The following QTGAL variants were observed in gnomAD, a reference collection of about 807,000 sequenced individuals.
The protein encoded by QTGAL is BGnT-like protein 1.
chr17:82,962,403 G>T, the QTGAL span, among the ~76,000 whole-genome samples: 2 of 152,260 alleles, frequency 1.3e-5, no homozygotes, highest in African/African-American at 4.8e-5. Context: ...TCCACCATAA[G>T]ATAAAGACAA....
At chr17:83,018,365 A>G in the QTGAL span, among the ~76,000 whole-genome samples, 1 of 152,288 alleles carries the variant, frequency 6.6e-6, no homozygotes, top group African/African-American at 2.4e-5. Context: ...CTCCGTGAAC[A>G]TGTACAACGA....
At chr17:83,018,867 G>A in the QTGAL span, among the ~76,000 whole-genome samples, 3 of 152,316 alleles carry the variant, frequency 2.0e-5, no homozygotes, top group Non-Finnish European at 4.4e-5. Context: ...GACTCCAAAT[G>A]AGCCTCTGGG....
chr17:83,014,163 C>A, the QTGAL span, among the ~76,000 whole-genome samples: 1 of 152,184 alleles, frequency 6.6e-6, no homozygotes, highest in Non-Finnish European at 1.5e-5. Context: ...TAGCTCTCAG[C>A]CTGTGTTTTC....
chr17:83,014,370 A>T, the QTGAL span: 1 of 1,445,514 alleles, frequency 6.9e-7, no homozygotes, highest in African/African-American at 1.4e-5. Flanking sequence ...GATTCTTTCC[A>T]CCCCTAGGAA....
the QTGAL span, among the ~76,000 whole-genome samples, chr17:82,959,400 C>T: frequency 5.9e-5 from 9 of 151,522 alleles, no homozygotes; most frequent in Non-Finnish European, 1.0e-4. Context: ...GCAGTGAGTA[C>T]GTGTGTATAC....
At chr17:82,957,805 C>T in the QTGAL span, among the ~76,000 whole-genome samples, 1 of 152,168 alleles carries the variant, frequency 6.6e-6, no homozygotes, top group East Asian at 1.9e-4. Context: ...TGGACTTGAC[C>T]CAAGTCCAGT....
At chr17:83,011,061 C>T in the QTGAL span, among the ~76,000 whole-genome samples, 6 of 152,230 alleles carry the variant, frequency 3.9e-5, no homozygotes, top group South Asian at 2.1e-4. Flanking sequence ...GGGCAGCCTT[C>T]GTGTTTGGTC....
the QTGAL span, among the ~76,000 whole-genome samples, chr17:83,023,707 C>T: frequency 2.0e-5 from 3 of 152,314 alleles, no homozygotes; most frequent in South Asian, 6.2e-4. Context: ...CTCGTGTCCC[C>T]TTTCTGTTAA....
the QTGAL span, among the ~76,000 whole-genome samples, chr17:82,991,324 G>A: frequency 1.3e-5 from 2 of 152,168 alleles, no homozygotes; most frequent in Non-Finnish European, 2.9e-5. Flanking sequence ...GACCCAGTGG[G>A]AGATAACTGA....
the QTGAL span, among the ~76,000 whole-genome samples, chr17:83,021,898 T>C: frequency 6.6e-5 from 10 of 152,116 alleles, no homozygotes; most frequent in Non-Finnish European, 1.3e-4. Flanking sequence ...ATAGATCAAA[T>C]AGATCCACGC....
the QTGAL span, among the ~76,000 whole-genome samples, chr17:82,982,568 G>A: frequency 1.8e-5 from 2 of 114,000 alleles, no homozygotes; most frequent in Admixed American, 7.6e-5. Context: ...GTGAGGACAC[G>A]GTGAGAACCA....
chr17:82,961,208 C>G, the QTGAL span: 1 of 1,597,386 alleles, frequency 6.3e-7, no homozygotes, highest in South Asian at 1.1e-5. Flanking sequence ...GCAGAGGCAT[C>G]ACTGGGGCCC....
the QTGAL span, among the ~76,000 whole-genome samples, chr17:82,970,442 C>T: frequency 6.6e-6 from 1 of 152,136 alleles, no homozygotes; most frequent in Non-Finnish European, 1.5e-5. Context: ...GGCAGGTTGA[C>T]TCTGCAGCCA....
the QTGAL span, among the ~76,000 whole-genome samples, chr17:83,019,570 A>C: frequency 1.6e-4 from 25 of 152,276 alleles, no homozygotes; most frequent in Middle Eastern, 3.4e-3. Flanking sequence ...ACAGAGCTTC[A>C]GTTCGGGAAG....
the QTGAL span, chr17:82,949,948 G>A: frequency 1.3e-5 from 2 of 152,298 alleles, no homozygotes; most frequent in South Asian, 2.1e-4. Context: ...CTTGCTCCAG[G>A]GATGGGTACA....
the QTGAL span, among the ~76,000 whole-genome samples, chr17:83,023,253 A>G: frequency 1.0e-5 from 1 of 96,916 alleles, no homozygotes. Flanking sequence ...AACTCACGTT[A>G]GCTTAGCACT....
the QTGAL span, chr17:82,961,082 G>T: frequency 6.2e-7 from 1 of 1,610,312 alleles, no homozygotes; most frequent in Non-Finnish European, 8.5e-7. Context: ...GTGGCCGCCT[G>T]TGGGTGGTGG....
chr17:83,030,803 T>C, the QTGAL span: 2 of 152,200 alleles, frequency 1.3e-5, no homozygotes, highest in Non-Finnish European at 2.9e-5. Context: ...GGGAAGGCCA[T>C]GTGGCTTCCT....
At chr17:83,045,503 G>A in the QTGAL span, among the ~76,000 whole-genome samples, 2 of 152,306 alleles carry the variant, frequency 1.3e-5, no homozygotes, top group South Asian at 2.1e-4. Flanking sequence ...TAAAATCTTC[G>A]TGACCTTGAT....
Sources: allele counts gnomAD v4.1 joint callset (sites outside exome capture counted in the v4.1 genomes callset), GRCh38; gene constraint gnomAD v4.1.1; transcripts MANE v1.5; gene names NCBI Gene and HGNC (gene_info 2026-07-23, HGNC 2026-07-21).